Variants in IFT122 observed in about 807,000 individuals in gnomAD.
IFT122 encodes intraflagellar transport protein 122 homolog.
In IFT122, 118 loss-of-function variants were observed where a neutral mutation model predicts 161.6. That is an observed-to-expected ratio of 0.73 (90% CI 0.63 to 0.85). IFT122 has a LOEUF of 0.85. Among genes scored for constraint, IFT122 ranks in the 40% least tolerant of loss-of-function variants. The pLI is 0.00. For missense variants in IFT122, 1,381 were observed against 1,579.6 expected (o/e 0.87, Z 2.13); for synonymous variants, 550 against 602.4 (o/e 0.91, Z 1.27).
intron 9 of IFT122, among the ~76,000 whole-genome samples, chr3:129,472,905 T>A (rs542317833): frequency 6.6e-6 from 1 of 152,366 alleles, no homozygotes; most frequent in South Asian, 2.1e-4. Context: ...TTATTGCATT[T>A]TTCCTTTTCT....
chr3:129,492,495 G>A (rs1440841588), intron 17 of IFT122, among the ~76,000 whole-genome samples: 2 of 152,216 alleles, frequency 1.3e-5, no homozygotes, highest in African/African-American at 2.4e-5. Flanking sequence ...TGAGGATTCA[G>A]TAGGTTCTCA....
At chr3:129,509,852 G>C (rs2082604782) in intron 23 of IFT122, among the ~76,000 whole-genome samples, 1 of 152,178 alleles carries the variant, frequency 6.6e-6, no homozygotes, top group Admixed American at 6.5e-5. Context: ...AAATGACACT[G>C]TGTTACTTAT....
chr3:129,517,456 C>G lies in IFT122; in HGVS notation c.3266-13C>G, dbSNP rs760724709. 12 of 1,613,006 alleles carry G rather than the reference C, an allele frequency of 7.4e-6. No homozygotes were observed. The highest frequency in any genetic ancestry group is 1.1e-5 in the South Asian group (1 of 90,980). ...GCCTCCAGCCCCCTCAGCCCTTTCTCTATGCCCTCCAGACGTGCTACACCT... is the reference window on the plus strand; with the variant it reads ...GCCTCCAGCCCCCTCAGCCCTTTCTGTATGCCCTCCAGACGTGCTACACCT... On this transcript the variant is annotated splice_polypyrimidine_tract_variant and intron_variant, in intron 26 of 29. Transcript: ENST00000348417.
chr3:129,481,565 C>T lies in IFT122; in HGVS notation c.1524C>T (p.Ile508=), dbSNP rs748347164. The change falls in exon 14 of 30, where the codon ATC becomes ATT. Residue 508 remains isoleucine, a synonymous_variant. Transcript: ENST00000348417. ...LKIFVDNLFA[I]VLLKQATAVR... is the part of the protein sequence containing the mutation. ...TCTTCGTGGACAATCTCTTTGCTATCGTCCTGCTGAAGCAGGCCACAGCTG... is the reference window on the plus strand; with the variant it reads ...TCTTCGTGGACAATCTCTTTGCTATTGTCCTGCTGAAGCAGGCCACAGCTG... 16 of 1,583,828 alleles carry T rather than the reference C, an allele frequency of 1.0e-5. No homozygotes were observed. The African/African-American group carries it at 1.1e-4, about 11-fold the overall frequency.
At chr3:129,516,521 G>GCACA (rs998063120) in intron 26 of IFT122, among the ~76,000 whole-genome samples, 2 of 78,306 alleles carry the variant, frequency 2.6e-5, no homozygotes, top group Non-Finnish European at 2.4e-5. Context: ...GCCCCTGCGT[G>GCACA]CACACACAGA....
At chr3:129,446,228 GT>G (rs879881783) in intron 1 of IFT122, among the ~76,000 whole-genome samples, 11 of 144,188 alleles carry the variant, frequency 7.6e-5, no homozygotes, top group South Asian at 2.2e-4. Context: ...TAGGTTTTTT[GT>G]TTTTTTTTTT....
intron 8 of IFT122, among the ~76,000 whole-genome samples, chr3:129,468,870 A>G (rs73865445): frequency 0.1 from 15,936 of 152,262 alleles, 1,290 homozygotes; most frequent in African/African-American, 0.22. Context: ...AGGAGAACCT[A>G]TTTTTAGGTG....
intron 3 of IFT122, chr3:129,452,331 GTAAAT>G: frequency 3.1e-6 from 1 of 323,652 alleles, no homozygotes. Context: ...TAGTAAAAAG[GTAAAT>G]TAAGTAGTAT....
chr3:129,477,480 C>T, intron 11 of IFT122, among the ~76,000 whole-genome samples: 1 of 152,198 alleles, frequency 6.6e-6, no homozygotes, highest in East Asian at 1.9e-4. Context: ...GATGAGTGTC[C>T]TTTGGTCCCC....
At chr3:129,467,481 G>A (rs1302881602) in intron 8 of IFT122, among the ~76,000 whole-genome samples, 1 of 151,836 alleles carries the variant, frequency 6.6e-6, no homozygotes, top group East Asian at 1.9e-4. Context: ...GATTTTTAAT[G>A]TCTGAAAAGT....
chr3:129,449,763 C>G (rs2074522256), intron 1 of IFT122, 108 bp from the exon 2 acceptor site: 1 of 802,590 alleles, frequency 1.2e-6, no homozygotes, highest in South Asian at 1.4e-5. Flanking sequence ...TTTTTCTCCT[C>G]AGTACACACA....
chr3:129,506,638 A>G, intron 22 of IFT122, 89 bp downstream of exon 22: 1 of 1,564,062 alleles, frequency 6.4e-7, no homozygotes. Flanking sequence ...TTTTAATTAA[A>G]GCCCTGGGCT....
At chr3:129,442,834 C>CATCA (rs2073432825) in intron 1 of IFT122, among the ~76,000 whole-genome samples, 1 of 152,222 alleles carries the variant, frequency 6.6e-6, no homozygotes. Flanking sequence ...CCCTCCTCCC[C>CATCA]ATCAGGCTTG....
At chr3:129,451,009 C>T (rs1408903520) in intron 2 of IFT122, among the ~76,000 whole-genome samples, 1 of 152,048 alleles carries the variant, frequency 6.6e-6, no homozygotes, top group Non-Finnish European at 1.5e-5. Flanking sequence ...GGTGAGCCAC[C>T]GCGCCCGGCC....
intron 5 of IFT122, chr3:129,463,261 A>G (rs1218620634): frequency 1.3e-5 from 5 of 378,684 alleles, no homozygotes; most frequent in African/African-American, 2.1e-5. Context: ...TCAGCGTGAC[A>G]CAGAACTAAG....
At chr3:129,444,353 G>C (rs2073694816) in intron 1 of IFT122, among the ~76,000 whole-genome samples, 1 of 152,234 alleles carries the variant, frequency 6.6e-6, no homozygotes, top group Admixed American at 6.5e-5. Flanking sequence ...GCTGGAAAGA[G>C]TGTGATAATC....
chr3:129,445,295 C>T (rs753332539), intron 1 of IFT122, among the ~76,000 whole-genome samples: 1 of 152,134 alleles, frequency 6.6e-6, no homozygotes, highest in Non-Finnish European at 1.5e-5. Context: ...TACTGCACTC[C>T]AGCCTGGGTG....
At chr3:129,514,914 T>C in intron 25 of IFT122, 1 of 415,300 alleles carries the variant, frequency 2.4e-6, no homozygotes, top group Non-Finnish European at 4.5e-6. Flanking sequence ...CTCTGCCCTT[T>C]CTGGAACCAG....
chr3:129,461,360 A>G, intron 5 of IFT122, 56 bp downstream of exon 5: 1 of 1,227,470 alleles, frequency 8.1e-7, no homozygotes, highest in Non-Finnish European at 1.2e-6. Flanking sequence ...TGGGCTAAAA[A>G]TGCTAAAATG....
Sources: gnomAD v4.1 joint callset for allele counts (sites outside exome capture counted in the v4.1 genomes callset) on GRCh38, gnomAD v4.1.1 for gene constraint, MANE v1.5 for transcripts, NCBI Gene and HGNC (gene_info 2026-07-23, HGNC 2026-07-21) for gene names.